The following UGGT2 variants were observed in gnomAD, a reference collection of about 807,000 sequenced individuals.
The protein encoded by UGGT2 is UDP-glucose glycoprotein glucosyltransferase 2, also known as UDP-glucose:glycoprotein glucosyltransferase 2.
A neutral mutation model predicts 192.1 loss-of-function variants in UGGT2; 180 were observed. The ratio of observed to expected loss-of-function variants is 0.94; its 90% CI spans 0.83 to 1.06. The LOEUF (loss-of-function observed/expected upper bound fraction) is 1.06, where lower values mean the gene tolerates loss of function less well. UGGT2 is among the 50% of genes least tolerant of loss of function. The pLI is 0.00. For missense variants in UGGT2, 1,849 were observed against 1,795.7 expected (o/e 1.03, Z -0.54); for synonymous variants, 580 against 591.0 (o/e 0.98, Z 0.27).
intron 30 of UGGT2, among the ~76,000 whole-genome samples, chr13:95,865,804 A>G (rs1368010369): frequency 6.6e-6 from 1 of 152,210 alleles, no homozygotes. Context: ...TTCTTTAATT[A>G]TCTTTGAAAT....
chr13:96,022,185 G>A (rs2052534514), intron 4 of UGGT2, among the ~76,000 whole-genome samples: 1 of 151,830 alleles, frequency 6.6e-6, no homozygotes, highest in Admixed American at 6.6e-5. Flanking sequence ...CAATTGACTA[G>A]GTACCTGAGG....
intron 31 of UGGT2, 118 bp from the exon 32 acceptor site, chr13:95,861,001 C>T (rs1890113651): frequency 4.3e-6 from 2 of 466,556 alleles, no homozygotes; most frequent in Non-Finnish European, 3.7e-6. Flanking sequence ...AAGCTATAAA[C>T]ACTCTATAAT....
chr13:95,978,677 T>C (rs1280065995), intron 10 of UGGT2, among the ~76,000 whole-genome samples: 1 of 152,222 alleles, frequency 6.6e-6, no homozygotes, highest in Non-Finnish European at 1.5e-5. Context: ...TTTAAGTCTT[T>C]AACCCCTATT....
chr13:95,852,498 T>C (rs1392589893), intron 36 of UGGT2, among the ~76,000 whole-genome samples: 3 of 152,302 alleles, frequency 2.0e-5, no homozygotes, highest in Non-Finnish European at 4.4e-5. Flanking sequence ...AAAACATTTA[T>C]CTTTAAATAT....
At chr13:95,805,252 C>G (rs558463688) in intron 38 of UGGT2, among the ~76,000 whole-genome samples, 3 of 150,540 alleles carry the variant, frequency 2.0e-5, no homozygotes, top group South Asian at 4.2e-4. Flanking sequence ...TACCTCAGAC[C>G]CATTAGTATG....
chr13:95,839,643 G>A (rs1243704973), intron 36 of UGGT2, among the ~76,000 whole-genome samples: 1 of 151,944 alleles, frequency 6.6e-6, no homozygotes, highest in Non-Finnish European at 1.5e-5. Context: ...AACTCTCTTG[G>A]GTATATATCT....
At chr13:95,989,547 G>A in intron 8 of UGGT2, 1 of 394,724 alleles carries the variant, frequency 2.5e-6, no homozygotes, top group Non-Finnish European at 5.3e-6. Flanking sequence ...TCCTCCATTT[G>A]ATGTTTCCAT....
At chr13:95,872,457 TA>T (rs1193662442) in intron 29 of UGGT2, among the ~76,000 whole-genome samples, 3 of 152,210 alleles carry the variant, frequency 2.0e-5, no homozygotes, top group Admixed American at 6.5e-5. Context: ...TTTTCCTAAT[TA>T]TAAAGGTAAT....
At chr13:95,819,116 C>G (rs1017203816) in intron 38 of UGGT2, among the ~76,000 whole-genome samples, 9 of 152,094 alleles carry the variant, frequency 5.9e-5, no homozygotes, top group African/African-American at 2.2e-4. Flanking sequence ...AAGTAGATGA[C>G]AATTATAACT....
At chr13:96,017,800 A>C (rs569288446) in intron 4 of UGGT2, among the ~76,000 whole-genome samples, 5 of 152,334 alleles carry the variant, frequency 3.3e-5, no homozygotes, top group Admixed American at 6.5e-5. Context: ...GAATTCTTTT[A>C]TAATGACCAT....
At chr13:96,033,642 T>A (rs980366271) in intron 1 of UGGT2, among the ~76,000 whole-genome samples, 1 of 152,150 alleles carries the variant, frequency 6.6e-6, no homozygotes, top group Non-Finnish European at 1.5e-5. Context: ...CCTGGCCTCT[T>A]CTCTGCTCCC....
intron 5 of UGGT2, among the ~76,000 whole-genome samples, chr13:96,001,343 T>G (rs1281892637): frequency 6.6e-6 from 1 of 152,118 alleles, no homozygotes; most frequent in African/African-American, 2.4e-5. Context: ...ACTGAGTACC[T>G]TGCGACCCCC....
At chr13:95,849,115 T>C (rs1243038236) in intron 36 of UGGT2, among the ~76,000 whole-genome samples, 1 of 152,128 alleles carries the variant, frequency 6.6e-6, no homozygotes, top group Non-Finnish European at 1.5e-5. Flanking sequence ...GTCATATAGA[T>C]TATATTCTTA....
intron 10 of UGGT2, among the ~76,000 whole-genome samples, chr13:95,975,320 A>G (rs901705602): frequency 6.6e-6 from 1 of 152,156 alleles, no homozygotes; most frequent in African/African-American, 2.4e-5. Flanking sequence ...ATGCACACAT[A>G]AAGTGCTACA....
intron 2 of UGGT2, among the ~76,000 whole-genome samples, chr13:96,025,645 A>AT: frequency 6.6e-6 from 1 of 152,144 alleles, no homozygotes; most frequent in Non-Finnish European, 1.5e-5. Flanking sequence ...CAAGAGTCTT[A>AT]TGTTGTCCAT....
At chr13:95,807,716 C>CTTGTTTTTTTTTTTTT (rs1555331600) in intron 38 of UGGT2, among the ~76,000 whole-genome samples, 1 of 78,706 alleles carries the variant, frequency 1.3e-5, no homozygotes, top group Non-Finnish European at 2.6e-5. Context: ...CAGCCCTCAC[C>CTTGTTTTTTTTTTTTT]TTTTTTTTTT....
intron 2 of UGGT2, among the ~76,000 whole-genome samples, chr13:96,027,471 C>T (rs115097479): frequency 0.012 from 1,786 of 152,102 alleles, 36 homozygotes; most frequent in African/African-American, 0.041. Context: ...CTAAAAATGC[C>T]CCTTCAATAT....
chr13:95,917,230 T>C (rs1026902912), intron 20 of UGGT2, among the ~76,000 whole-genome samples: 2 of 152,014 alleles, frequency 1.3e-5, no homozygotes, highest in African/African-American at 4.8e-5. Flanking sequence ...CCAGAAGAGA[T>C]TGGAGCCAAT....
intron 29 of UGGT2, among the ~76,000 whole-genome samples, chr13:95,876,149 G>A (rs1352753564): frequency 6.6e-6 from 1 of 152,124 alleles, no homozygotes; most frequent in Non-Finnish European, 1.5e-5. Flanking sequence ...CCAAAAAAGT[G>A]TGATAACTCC....
Sources: allele counts gnomAD v4.1 joint callset (sites outside exome capture counted in the v4.1 genomes callset), GRCh38; gene constraint gnomAD v4.1.1; transcripts MANE v1.5; gene names NCBI Gene and HGNC (gene_info 2026-07-23, HGNC 2026-07-21).